Variants in GGACT observed in about 807,000 individuals in gnomAD.
GGACT encodes gamma-glutamylaminecyclotransferase.
For synonymous variants in GGACT, 118 were observed against 115.3 expected, an observed-to-expected ratio of 1.02 and a Z score of -0.15; for missense variants, 241 against 233.2, an observed-to-expected ratio of 1.03 and a Z score of -0.22.
chr13:100,557,436 A>G (rs2088718300), intron 2 of GGACT, among the ~76,000 whole-genome samples: 1 of 152,192 alleles, frequency 6.6e-6, no homozygotes, highest in Admixed American at 6.5e-5. Context: ...AAAAAAATCA[A>G]TGGTACAGAA....
intron 2 of GGACT, among the ~76,000 whole-genome samples, chr13:100,561,677 C>T (rs2088761362): frequency 6.6e-6 from 1 of 152,206 alleles, no homozygotes; most frequent in Admixed American, 6.5e-5. Context: ...CATTCCTGTA[C>T]TTAGAAGAAC....
At chr13:100,581,614 C>T (rs1368325870) in intron 2 of GGACT, among the ~76,000 whole-genome samples, 2 of 152,214 alleles carry the variant, frequency 1.3e-5, no homozygotes, top group African/African-American at 4.8e-5. Context: ...TAGACACTTT[C>T]CCCTTAAGGA....
At chr13:100,549,165 G>A (rs983553552) in intron 2 of GGACT, among the ~76,000 whole-genome samples, 3 of 152,122 alleles carry the variant, frequency 2.0e-5, no homozygotes, top group Non-Finnish European at 4.4e-5. Flanking sequence ...CAAACATGGT[G>A]AAGCCCTGTC....
intron 2 of GGACT, among the ~76,000 whole-genome samples, chr13:100,550,441 C>G (rs1566532623): frequency 6.6e-6 from 1 of 151,342 alleles, no homozygotes; most frequent in African/African-American, 2.4e-5. Flanking sequence ...CACACACACA[C>G]ACACACACAC....
rs2088464596 is a variant in GGACT, at chr13:100,534,623, C to A, written c.-10-2022G>T. Among the ~76,000 whole-genome samples, 1 of 152,260 alleles carries A rather than the reference C, an allele frequency of 6.6e-6. No homozygotes were observed. Among genetic ancestry groups the A allele is most frequent in the South Asian group, 2.1e-4 (1 of 4,822 alleles). ...GGGGGCGATGATGGTTTGGATCCTG[C>A]TGTGCAGCTGCCTTGGGGACTCAGC... On this transcript the variant is annotated intron_variant, in intron 2 of 2. Coordinates refer to ENST00000683975, the MANE Select transcript of GGACT (RefSeq NM_001195087.2). The surrounding 1 kb of genome is among the most constrained non-coding windows in gnomAD (Gnocchi z 4.9).
intron 2 of GGACT, among the ~76,000 whole-genome samples, chr13:100,550,756 C>T (rs541233156): frequency 6.6e-6 from 1 of 152,288 alleles, no homozygotes; most frequent in African/African-American, 2.4e-5. Flanking sequence ...CCCACTGAGG[C>T]GCTTTCTCCA....
intron 2 of GGACT, among the ~76,000 whole-genome samples, chr13:100,561,547 G>T (rs1393983204): frequency 6.6e-6 from 1 of 152,126 alleles, no homozygotes; most frequent in Admixed American, 6.5e-5. Context: ...GTCTTACCTG[G>T]GGCTATTAAC....
At chr13:100,564,029 T>C (rs1337493183) in intron 2 of GGACT, among the ~76,000 whole-genome samples, 3 of 152,192 alleles carry the variant, frequency 2.0e-5, no homozygotes, top group Admixed American at 2.0e-4. Flanking sequence ...CACCCTGGGC[T>C]GGACCTGCGG....
chr13:100,561,124 C>T lies in GGACT; in HGVS notation c.-11+22701G>A, dbSNP rs375607510. Among the ~76,000 whole-genome samples the T allele has an allele frequency of 1.2e-3, 181 of 152,330 alleles. 1 individual carries two copies. Among genetic ancestry groups the T allele is most frequent in the African/African-American group, 4.0e-3 (168 of 41,580 alleles). On this transcript the variant is annotated intron_variant, in intron 2 of 2. Transcript: ENST00000683975. Reference sequence around the variant, plus strand: ...AAGTCTCATCAAGCAGCAATACCCCCGCCCCGGGCATTTTAACCTCTCCAT... The same window carrying T: ...AAGTCTCATCAAGCAGCAATACCCCTGCCCCGGGCATTTTAACCTCTCCAT...
At chr13:100,542,260 G>A (rs927701139) in intron 2 of GGACT, among the ~76,000 whole-genome samples, 2 of 152,204 alleles carry the variant, frequency 1.3e-5, no homozygotes, top group Non-Finnish European at 2.9e-5. Flanking sequence ...AGCAGCCGCT[G>A]ACCCCCCCAG....
At chr13:100,557,546 C>T (rs2088719471) in intron 2 of GGACT, among the ~76,000 whole-genome samples, 1 of 152,034 alleles carries the variant, frequency 6.6e-6, no homozygotes, top group Non-Finnish European at 1.5e-5. Context: ...AACAATGGTG[C>T]TGGAACAACT....
At chr13:100,584,540 C>T (rs1309822960) in intron 1 of GGACT, among the ~76,000 whole-genome samples, 1 of 151,740 alleles carries the variant, frequency 6.6e-6, no homozygotes, top group African/African-American at 2.4e-5. Context: ...ACACAGAAAG[C>T]AGGAATAAGA....
intron 2 of GGACT, among the ~76,000 whole-genome samples, chr13:100,541,376 T>A (rs2088553105): frequency 6.6e-6 from 1 of 152,172 alleles, no homozygotes; most frequent in Non-Finnish European, 1.5e-5. Context: ...GGCAAGTGAT[T>A]TCAAGTTCTT....
chr13:100,536,660 C>T (rs1223236419), intron 2 of GGACT: 1 of 152,086 alleles, frequency 6.6e-6, no homozygotes, highest in African/African-American at 2.4e-5. Context: ...CACATGTGAT[C>T]TTGGCTGGGA....
At chr13:100,556,107 C>A (rs2088705824) in intron 2 of GGACT, among the ~76,000 whole-genome samples, 1 of 152,202 alleles carries the variant, frequency 6.6e-6, no homozygotes, top group South Asian at 2.1e-4. Flanking sequence ...CTTCCTACTT[C>A]TAAATCCTCG....
At chr13:100,572,935 T>C (rs749864386) in intron 2 of GGACT, among the ~76,000 whole-genome samples, 4 of 152,072 alleles carry the variant, frequency 2.6e-5, no homozygotes, top group Non-Finnish European at 4.4e-5. Flanking sequence ...AGGAAAAAAA[T>C]AGAACTTGAC....
chr13:100,568,016 C>T (rs1874958163), intron 2 of GGACT, among the ~76,000 whole-genome samples: 1 of 152,208 alleles, frequency 6.6e-6, no homozygotes, highest in Admixed American at 6.5e-5. Flanking sequence ...AACCAGGGCC[C>T]TACTTCCAAT....
chr13:100,584,207 C>A (rs1262807908), intron 1 of GGACT, among the ~76,000 whole-genome samples: 2 of 152,198 alleles, frequency 1.3e-5, no homozygotes, highest in South Asian at 2.1e-4. Context: ...AATAGAGGAA[C>A]CTTCCCAGTG....
chr13:100,586,002 A>ATAAAT (rs1198346966), intron 1 of GGACT, among the ~76,000 whole-genome samples: 4 of 152,106 alleles, frequency 2.6e-5, no homozygotes, highest in Admixed American at 2.6e-4. Context: ...ATAAAATAAA[A>ATAAAT]AGGTAACAGT....
Sources: gnomAD v4.1 joint callset for allele counts (sites outside exome capture counted in the v4.1 genomes callset) on GRCh38, gnomAD v4.1.1 for gene constraint, Gnocchi (gnomAD v3.1) non-coding constraint, MANE v1.5 for transcripts, NCBI Gene and HGNC (gene_info 2026-07-23, HGNC 2026-07-21) for gene names.